The following SEMA3A variants were observed in gnomAD, a reference collection of about 807,000 sequenced individuals.
SEMA3A encodes the protein semaphorin-3A.
Under a neutral mutation model 97.9 loss-of-function variants are expected in SEMA3A, and 29 were observed. The observed-to-expected ratio is 0.30, with a 90% CI of 0.22 to 0.40. The LOEUF is 0.40. Among genes scored for constraint, SEMA3A ranks in the 10% least tolerant of loss-of-function variants. The pLI, the probability that SEMA3A is intolerant of heterozygous loss-of-function variation, is 1.00. For missense variants in SEMA3A, 763 were observed against 951.3 expected (o/e 0.80, Z 2.60); for synonymous variants, 321 against 323.7 (o/e 0.99, Z 0.09).
chr7:84,019,124 C>G (rs748058627), intron 6 of SEMA3A, among the ~76,000 whole-genome samples: 5 of 151,792 alleles, frequency 3.3e-5, no homozygotes, highest in Non-Finnish European at 7.4e-5. Flanking sequence ...GATAATATGT[C>G]GAATGTAAGA....
intron 3 of SEMA3A, among the ~76,000 whole-genome samples, chr7:84,296,787 G>A (rs1469146084): frequency 1.3e-5 from 2 of 151,842 alleles, no homozygotes; most frequent in Non-Finnish European, 2.9e-5. Flanking sequence ...AGATGTTAAG[G>A]GAACAATCTT....
At chr7:84,046,205 C>A in intron 6 of SEMA3A, 119 bp downstream of exon 6, 1 of 1,156,520 alleles carries the variant, frequency 8.6e-7, no homozygotes, top group South Asian at 1.7e-5. Context: ...GAAGTCACCA[C>A]CATTAGCTTA....
upstream of SEMA3A, among the ~76,000 whole-genome samples, chr7:84,198,439 T>C (rs959584556): frequency 6.6e-6 from 1 of 152,138 alleles, no homozygotes; most frequent in African/African-American, 2.4e-5. Flanking sequence ...TGAACTCAAA[T>C]GATCCACCCA....
At chr7:84,288,495 C>T (rs1800650898) in intron 3 of SEMA3A, among the ~76,000 whole-genome samples, 1 of 152,074 alleles carries the variant, frequency 6.6e-6, no homozygotes, top group Admixed American at 6.6e-5. Context: ...GTCAGGAGTT[C>T]AAGACCAGCC....
intron 3 of SEMA3A, among the ~76,000 whole-genome samples, chr7:84,275,303 T>C (rs1415461991): frequency 6.6e-6 from 1 of 152,112 alleles, no homozygotes; most frequent in African/African-American, 2.4e-5. Context: ...GGCTACCAGA[T>C]ATTAATGACA....
chr7:83,963,040 C>T (rs530385246), intron 16 of SEMA3A, among the ~76,000 whole-genome samples, 165 bp downstream of exon 16: 14 of 152,256 alleles, frequency 9.2e-5, no homozygotes, highest in East Asian at 3.9e-4. Flanking sequence ...AAGTCTGTCA[C>T]GTCATCAGTC....
At chr7:84,357,770 T>G (rs1407501343) in intron 2 of SEMA3A, among the ~76,000 whole-genome samples, 1 of 151,782 alleles carries the variant, frequency 6.6e-6, no homozygotes, top group African/African-American at 2.4e-5. Flanking sequence ...AAAGTGATCG[T>G]ATTTCTCCAC....
At chr7:84,301,890 A>C (rs901739433) in intron 3 of SEMA3A, among the ~76,000 whole-genome samples, 1 of 152,174 alleles carries the variant, frequency 6.6e-6, no homozygotes, top group Non-Finnish European at 1.5e-5. Context: ...AAAGTTAAAC[A>C]TACACCTACC....
intron 2 of SEMA3A, among the ~76,000 whole-genome samples, chr7:84,347,753 T>G (rs1284603472): frequency 6.6e-6 from 1 of 152,086 alleles, no homozygotes; most frequent in Admixed American, 6.6e-5. Flanking sequence ...CACAACAGAA[T>G]ATATTCTCTA....
intron 3 of SEMA3A, among the ~76,000 whole-genome samples, chr7:84,284,711 T>C (rs1800536355): frequency 6.6e-6 from 1 of 152,182 alleles, no homozygotes; most frequent in Non-Finnish European, 1.5e-5. Context: ...AAGGTATTGA[T>C]AACAAGGGTC....
chr7:84,300,170 AAAC>A (rs1169400695), intron 3 of SEMA3A, among the ~76,000 whole-genome samples: 2 of 151,846 alleles, frequency 1.3e-5, no homozygotes, highest in African/African-American at 4.8e-5. Flanking sequence ...ATAGAAAAAA[AAAC>A]AAAATTAGTG....
intron 2 of SEMA3A, among the ~76,000 whole-genome samples, chr7:84,326,904 G>C (rs1158106367): frequency 6.6e-6 from 1 of 151,898 alleles, no homozygotes; most frequent in Non-Finnish European, 1.5e-5. Context: ...CATGAACATA[G>C]GCATGAGCAA....
chr7:84,315,934 A>G (rs1801483889), intron 2 of SEMA3A, among the ~76,000 whole-genome samples: 1 of 151,370 alleles, frequency 6.6e-6, no homozygotes, highest in African/African-American at 2.4e-5. Flanking sequence ...TATTACTAAT[A>G]TATATTTTTT....
intron 4 of SEMA3A, among the ~76,000 whole-genome samples, chr7:84,072,560 T>G (rs995361532): frequency 6.6e-6 from 1 of 152,124 alleles, no homozygotes; most frequent in Non-Finnish European, 1.5e-5. Flanking sequence ...TTGTATTTAT[T>G]TTTGAGACTT....
At chr7:84,311,000 T>TTTTATATA (rs113455349) in intron 2 of SEMA3A, among the ~76,000 whole-genome samples, 2 of 148,604 alleles carry the variant, frequency 1.3e-5, no homozygotes, top group Admixed American at 6.7e-5. Flanking sequence ...TTAGTAGATG[T>TTTTATATA]TATATATATA....
intron 12 of SEMA3A, among the ~76,000 whole-genome samples, chr7:84,000,539 T>G (rs960460163): frequency 1.3e-5 from 2 of 152,150 alleles, no homozygotes; most frequent in Admixed American, 6.6e-5. Flanking sequence ...TTACTGTCTT[T>G]GATGCATTAC....
chr7:83,983,511 C>T (rs1789509845), intron 13 of SEMA3A, among the ~76,000 whole-genome samples: 1 of 151,508 alleles, frequency 6.6e-6, no homozygotes. Context: ...ATAACAGTAT[C>T]TAATTATGTC....
intron 3 of SEMA3A, among the ~76,000 whole-genome samples, chr7:84,297,202 T>C (rs528455268): frequency 3.6e-4 from 55 of 152,162 alleles, no homozygotes; most frequent in Admixed American, 3.9e-4. Context: ...GTCTCAAACT[T>C]CTGACCTCAG....
At chr7:84,217,637 G>T (rs1376219990) in intron 3 of SEMA3A, among the ~76,000 whole-genome samples, 1 of 151,948 alleles carries the variant, frequency 6.6e-6, no homozygotes, top group Non-Finnish European at 1.5e-5. Flanking sequence ...ACAACTCAAG[G>T]TTTAAAAACT....
Sources: gnomAD v4.1 joint callset for allele counts (sites outside exome capture counted in the v4.1 genomes callset) on GRCh38, gnomAD v4.1.1 for gene constraint, MANE v1.5 for transcripts, NCBI Gene and HGNC (gene_info 2026-07-23, HGNC 2026-07-21) for gene names.